The following ATP8A1 variants were observed in gnomAD, a reference collection of about 807,000 sequenced individuals.
ATP8A1 encodes phospholipid-transporting ATPase IA.
A neutral mutation model predicts 177.7 loss-of-function variants in ATP8A1; 90 were observed. The observed-to-expected ratio is 0.51, with a 90% CI of 0.43 to 0.60. ATP8A1 has a LOEUF of 0.60. Among genes scored for constraint, ATP8A1 ranks in the 20% least tolerant of loss-of-function variants. The pLI, the probability that ATP8A1 is intolerant of heterozygous loss-of-function variation, is 0.00. For missense variants in ATP8A1, 1,072 were observed against 1,392.8 expected, an observed-to-expected ratio of 0.77 and a Z score of 3.67; for synonymous variants, 493 against 485.9, an observed-to-expected ratio of 1.01 and a Z score of -0.19.
chr4:42,603,186 T>C (rs1042174620), intron 5 of ATP8A1, among the ~76,000 whole-genome samples: 1 of 152,224 alleles, frequency 6.6e-6, no homozygotes, highest in African/African-American at 2.4e-5. Flanking sequence ...GAATTTGATT[T>C]GGGTCTCAAG....
chr4:42,656,973 G>A lies in ATP8A1; in HGVS notation c.-100C>T, dbSNP rs1741706074. ...GCTGCGCCGCGCAGAGCGCTCAGCT[G>A]CAGCCTGGGCCGCGCCGCCGCCCAC... is the stretch of plus-strand genomic sequence containing the variant. On this transcript the variant is annotated 5_prime_UTR_variant, in exon 1 of 37. Coordinates refer to ENST00000381668, the MANE Select transcript of ATP8A1 (RefSeq NM_006095.2). 9 of 1,218,166 alleles carry A rather than the reference G, an allele frequency of 7.4e-6. No homozygotes were observed. The highest frequency in any genetic ancestry group is 9.4e-6 in the Non-Finnish European group (9 of 954,542). The allele number at this position is 1,218,166 out of a possible 1,614,324, so 75.5% of individuals were successfully genotyped here. A position where few individuals can be genotyped will look rare whatever the true frequency, so the allele number is the denominator to read the frequency against.
At position 42,555,968 on chromosome 4, in the gene ATP8A1, A is replaced by G. The variant is rs1488025627; in HGVS notation, c.1413T>C (p.His471=). Residue 471 remains histidine (H), a splice_region_variant and synonymous_variant, in exon 16 of 37, where the codon CAT becomes CAC. Coordinates refer to ENST00000381668, the MANE Select transcript of ATP8A1 (RefSeq NM_006095.2). The stretch of plus-strand genomic sequence containing the variant: ...AAGACAATGGTTTTATGTAACTTAC[A>G]TGATTATTTTGGAGATTTTCCAGCA... ...SSLLENLQNN[H]PTAPIICEFL... 1 of 1,598,648 alleles carries G rather than the reference A, an allele frequency of 6.3e-7. No individual in the cohort carries two copies. The highest frequency in any genetic ancestry group is 8.6e-7 in the Non-Finnish European group (1 of 1,167,852).
At chr4:42,534,798 T>G (rs1402829721) in intron 20 of ATP8A1, among the ~76,000 whole-genome samples, 1 of 152,064 alleles carries the variant, frequency 6.6e-6, no homozygotes, top group Non-Finnish European at 1.5e-5. Flanking sequence ...ACCTATCAGA[T>G]TAACAGCAGA....
chr4:42,506,796 T>C (rs1285852212), intron 23 of ATP8A1, among the ~76,000 whole-genome samples: 2 of 152,186 alleles, frequency 1.3e-5, no homozygotes, highest in African/African-American at 2.4e-5. Flanking sequence ...TATCAATACA[T>C]AAATCTTCCA....
At chr4:42,560,808 CAG>C (rs1303258809) in intron 15 of ATP8A1, among the ~76,000 whole-genome samples, 1 of 152,040 alleles carries the variant, frequency 6.6e-6, no homozygotes, top group Non-Finnish European at 1.5e-5. Context: ...ATTTTCAACA[CAG>C]ATCTAAATAT....
At chr4:42,474,663 G>A (rs1720853878) in intron 25 of ATP8A1, among the ~76,000 whole-genome samples, 1 of 152,158 alleles carries the variant, frequency 6.6e-6, no homozygotes, top group Non-Finnish European at 1.5e-5. Flanking sequence ...CCATCAGAGT[G>A]CAGCTGCCTC....
intron 6 of ATP8A1, 84 bp from the exon 7 acceptor site, chr4:42,590,968 A>T (rs1257035801): frequency 8.0e-7 from 1 of 1,252,464 alleles, no homozygotes; most frequent in Non-Finnish European, 1.1e-6. Context: ...GACAAAAGAG[A>T]CAGAAAGTTC....
chr4:42,635,818 T>TATATAC (rs1739280254), intron 1 of ATP8A1, among the ~76,000 whole-genome samples: 1 of 129,678 alleles, frequency 7.7e-6, no homozygotes, highest in Non-Finnish European at 1.6e-5. Context: ...TATACACATG[T>TATATAC]ATGTATGTAT....
intron 21 of ATP8A1, among the ~76,000 whole-genome samples, chr4:42,522,587 G>C (rs956870186): frequency 6.6e-6 from 1 of 152,054 alleles, no homozygotes; most frequent in Non-Finnish European, 1.5e-5. Context: ...TCTTTGCTTC[G>C]AATCTTCCAA....
At chr4:42,465,789 T>C (rs1279112382) in intron 25 of ATP8A1, among the ~76,000 whole-genome samples, 1 of 152,034 alleles carries the variant, frequency 6.6e-6, no homozygotes, top group Non-Finnish European at 1.5e-5. Context: ...TCCCAGCACT[T>C]TGGGAGGCCA....
At chr4:42,472,655 A>C (rs1720562789) in intron 25 of ATP8A1, among the ~76,000 whole-genome samples, 1 of 151,348 alleles carries the variant, frequency 6.6e-6, no homozygotes, top group South Asian at 2.1e-4. Context: ...AAGCCAGGAG[A>C]ATTGCGTGAA....
At position 42,485,428 on chromosome 4, in the gene ATP8A1, G is replaced by A. The variant is rs145718590; in HGVS notation, c.2324+68C>T. ...TAAACTCTGGATTACTTTCATTGAC[G>A]TTTATAAATCAAGAACTTAGATCAA... On this transcript the variant is annotated intron_variant, in intron 25 of 36. Coordinates refer to ENST00000381668, the MANE Select transcript of ATP8A1 (RefSeq NM_006095.2). 6.0e-4 allele frequency: 843 copies of A among 1,408,388 alleles called. 5 individuals are homozygous for A. The highest frequency in any genetic ancestry group is 1.1e-3 in the Middle Eastern group (6 of 5,376). 87.2% of individuals were successfully genotyped at this position (1,408,388 alleles called of 1,614,324 possible). A position where few individuals can be genotyped will look rare whatever the true frequency, so the allele number is the denominator to read the frequency against.
chr4:42,414,206 T>C (rs1028301092), intron 36 of ATP8A1, among the ~76,000 whole-genome samples: 9 of 152,256 alleles, frequency 5.9e-5, no homozygotes, highest in Admixed American at 1.3e-4. Context: ...TATCTAATAA[T>C]GTCTTACAAC....
rs1347022169 is a variant in ATP8A1, at chr4:42,479,979, G to A, written c.2324+5517C>T. On this transcript the variant is annotated intron_variant, in intron 25 of 36. Transcript: ENST00000381668. ...GTGTTACCTACCTCATTAGAATTAT[G>A]TAATCTGCAGTTCTGCTTGTGTGTG... Among the ~76,000 whole-genome samples, 3 of 131,432 alleles carry A rather than the reference G, an allele frequency of 2.3e-5. No individual in the cohort carries two copies. The East Asian group carries it at 7.1e-4, about 31-fold the overall frequency. The allele number at this position is 131,432 out of a possible 152,430, so 86.2% of individuals were successfully genotyped here.
chr4:42,544,772 C>A (rs915939911), intron 19 of ATP8A1, among the ~76,000 whole-genome samples: 2 of 152,118 alleles, frequency 1.3e-5, no homozygotes, highest in African/African-American at 2.4e-5. Flanking sequence ...ATTTGTTTTA[C>A]CAGCTAAAAA....
At chr4:42,558,837 T>C (rs553369202) in intron 15 of ATP8A1, among the ~76,000 whole-genome samples, 2 of 152,304 alleles carry the variant, frequency 1.3e-5, no homozygotes, top group South Asian at 4.1e-4. Context: ...AAACATAATA[T>C]ATAAATCTGA....
intron 20 of ATP8A1, among the ~76,000 whole-genome samples, chr4:42,526,426 G>A (rs1392991840): frequency 2.0e-5 from 3 of 152,142 alleles, no homozygotes; most frequent in Admixed American, 1.3e-4. Context: ...TGTTACCAAA[G>A]GAGATTAACA....
intron 24 of ATP8A1, among the ~76,000 whole-genome samples, chr4:42,497,662 A>G (rs1199223972): frequency 6.6e-6 from 1 of 152,222 alleles, no homozygotes; most frequent in African/African-American, 2.4e-5. Flanking sequence ...AAAAGGACAC[A>G]TTTAATTCTA....
In ATP8A1 at chr4:42,459,044, T is replaced by C. The variant is rs548482616; in HGVS notation, c.2620-3445A>G. Reference sequence around the variant, plus strand: ...CAGAACTTGTTTTAGCTGGCAAAAGTTGGGTATCTGGGAATTGATTTAAAA... The same window carrying C: ...CAGAACTTGTTTTAGCTGGCAAAAGCTGGGTATCTGGGAATTGATTTAAAA... On this transcript the variant is annotated intron_variant, in intron 27 of 36. Transcript: ENST00000381668. Among the ~76,000 whole-genome samples the C allele has an allele frequency of 4.6e-5, 7 of 152,366 alleles. No individual in the cohort carries two copies. The South Asian group carries it at 1.2e-3, about 27-fold the overall frequency.
Sources: gnomAD v4.1 joint callset for allele counts (sites outside exome capture counted in the v4.1 genomes callset) on GRCh38, gnomAD v4.1.1 for gene constraint, MANE v1.5 for transcripts, NCBI Gene and HGNC (gene_info 2026-07-23, HGNC 2026-07-21) for gene names.